TOX: variants seen among roughly 807,000 people sequenced by gnomAD.
TOX encodes the protein thymocyte selection associated high mobility group box.
In TOX, 11 loss-of-function variants were observed where a neutral mutation model predicts 53.7. That is an observed-to-expected ratio of 0.20 (90% CI 0.13 to 0.34). The LOEUF (loss-of-function observed/expected upper bound fraction) is 0.34, where lower values mean the gene tolerates loss of function less well. Among genes scored for constraint, TOX ranks in the 10% least tolerant of loss-of-function variants. The pLI is 1.00. For missense variants in TOX, 570 were observed against 664.6 expected, an observed-to-expected ratio of 0.86 and a Z score of 1.56; for synonymous variants, 225 against 245.3, an observed-to-expected ratio of 0.92 and a Z score of 0.77.
At chr8:58,863,984 T>C (rs544235869) in intron 3 of TOX, among the ~76,000 whole-genome samples, 4 of 152,188 alleles carry the variant, frequency 2.6e-5, no homozygotes, top group South Asian at 4.1e-4. Context: ...TTAAGAATTT[T>C]TTTTTTAACA....
intron 3 of TOX, among the ~76,000 whole-genome samples, chr8:58,925,039 C>T (rs890233113): frequency 2.6e-5 from 4 of 152,214 alleles, no homozygotes; most frequent in African/African-American, 9.6e-5. Context: ...TGGAGATGCA[C>T]CTCGTGCACA....
intron 2 of TOX, among the ~76,000 whole-genome samples, chr8:58,950,922 T>G (rs1474305472): frequency 6.6e-6 from 1 of 152,186 alleles, no homozygotes; most frequent in Non-Finnish European, 1.5e-5. Context: ...AAATATCCAC[T>G]GTGTGATTGT....
intron 1 of TOX, among the ~76,000 whole-genome samples, chr8:59,049,166 T>C (rs184969652): frequency 1.5e-3 from 223 of 151,886 alleles, no homozygotes; most frequent in African/African-American, 5.2e-3. Flanking sequence ...ATCTGAACTA[T>C]ATTTAAATCC....
At chr8:58,814,558 T>C (rs1810141207) in intron 7 of TOX, 1 of 152,230 alleles carries the variant, frequency 6.6e-6, no homozygotes, top group Non-Finnish European at 1.5e-5. Flanking sequence ...AAGCTGCTTT[T>C]ATTTTTTAAA....
intron 1 of TOX, among the ~76,000 whole-genome samples, chr8:58,969,097 G>A (rs189634932): frequency 7.6e-4 from 116 of 152,266 alleles, no homozygotes; most frequent in African/African-American, 2.3e-3. Flanking sequence ...ACAATTATGT[G>A]ACAGAAATAG....
chr8:58,848,847 G>A (rs1810762793), intron 4 of TOX, among the ~76,000 whole-genome samples: 1 of 152,088 alleles, frequency 6.6e-6, no homozygotes, highest in Non-Finnish European at 1.5e-5. Flanking sequence ...AATTAGATGA[G>A]CTGGAATCAA....
intron 2 of TOX, among the ~76,000 whole-genome samples, chr8:58,955,030 G>A (rs1812687399): frequency 6.6e-6 from 1 of 152,196 alleles, no homozygotes; most frequent in Non-Finnish European, 1.5e-5. Context: ...TCACATGAAA[G>A]CTGTCCTGGA....
At chr8:58,939,796 A>G (rs1410625627) in intron 2 of TOX, among the ~76,000 whole-genome samples, 1 of 152,236 alleles carries the variant, frequency 6.6e-6, no homozygotes, top group Non-Finnish European at 1.5e-5. Flanking sequence ...GCTGAACTCA[A>G]ACAGATTTCA....
chr8:59,070,597 G>A (rs1359968415), intron 1 of TOX, among the ~76,000 whole-genome samples: 4 of 151,298 alleles, frequency 2.6e-5, no homozygotes, highest in African/African-American at 7.3e-5. Flanking sequence ...TGGAAAGCAG[G>A]TAAGAGCACA....
At chr8:58,899,431 A>C (rs889968745) in intron 3 of TOX, among the ~76,000 whole-genome samples, 1 of 152,188 alleles carries the variant, frequency 6.6e-6, no homozygotes, top group African/African-American at 2.4e-5. Context: ...TGCTCAAGCA[A>C]AACTATATTG....
chr8:58,858,069 T>G (rs1432415484), intron 3 of TOX, among the ~76,000 whole-genome samples: 1 of 152,140 alleles, frequency 6.6e-6, no homozygotes, highest in African/African-American at 2.4e-5. Flanking sequence ...TGTGACTGGC[T>G]CCTTGGATTT....
intron 3 of TOX, among the ~76,000 whole-genome samples, chr8:58,927,211 T>A (rs976678051): frequency 6.6e-6 from 1 of 152,214 alleles, no homozygotes; most frequent in African/African-American, 2.4e-5. Context: ...AATGTAAAAA[T>A]AATATGAGTT....
chr8:59,115,957 T>C (rs1805092494), intron 1 of TOX, among the ~76,000 whole-genome samples: 1 of 152,106 alleles, frequency 6.6e-6, no homozygotes, highest in Admixed American at 6.6e-5. Context: ...AAGTAGCATT[T>C]TGGCAATCTA....
chr8:59,060,527 T>TGAGGCAGGAGAATTGCTTG (rs1803964381), intron 1 of TOX, among the ~76,000 whole-genome samples: 1 of 152,178 alleles, frequency 6.6e-6, no homozygotes, highest in East Asian at 1.9e-4. Flanking sequence ...CTCAGGAGGC[T>TGAGGCAGGAGAATTGCTTG]GAGGCAGGAG....
intron 1 of TOX, among the ~76,000 whole-genome samples, chr8:59,002,061 G>A (rs1813698630): frequency 7.2e-6 from 1 of 139,578 alleles, no homozygotes; most frequent in East Asian, 2.2e-4. Context: ...TGCAACCTCC[G>A]CCTCCCAAAT....
intron 1 of TOX, among the ~76,000 whole-genome samples, chr8:59,101,020 C>G (rs1357646028): frequency 2.0e-5 from 3 of 152,144 alleles, no homozygotes; most frequent in Non-Finnish European, 4.4e-5. Context: ...GTTGCTGTCA[C>G]AGCAAGACTT....
chr8:59,111,437 C>A (rs1805015745), intron 1 of TOX, among the ~76,000 whole-genome samples: 1 of 152,082 alleles, frequency 6.6e-6, no homozygotes, highest in South Asian at 2.1e-4. Context: ...GATGTTTTTC[C>A]TTTGTTGCTG....
At chr8:58,982,223 G>A (rs1462446080) in intron 1 of TOX, among the ~76,000 whole-genome samples, 1 of 152,032 alleles carries the variant, frequency 6.6e-6, no homozygotes. Flanking sequence ...GGATCTCTCA[G>A]CCTTTTATTT....
Position 58,886,223 on chromosome 8 carries a change from C to A in TOX, c.412-34418G>T, listed in dbSNP as rs535991522. 1.4e-4 allele frequency among the ~76,000 whole-genome samples: 22 copies of A among 152,214 alleles called. 1 individual carries two copies. Among genetic ancestry groups the A allele is most frequent in the Middle Eastern group, 3.4e-3 (1 of 294 alleles). On this transcript the variant is annotated intron_variant, in intron 3 of 8. Coordinates refer to ENST00000361421, the MANE Select transcript of TOX (RefSeq NM_014729.3). ...CTGAGAAGAATGCTGGAAGCCCCAG[C>A]CTACCACCCTCATACATGCTAAATT...
Sources: gnomAD v4.1 joint callset for allele counts (sites outside exome capture counted in the v4.1 genomes callset) on GRCh38, gnomAD v4.1.1 for gene constraint, MANE v1.5 for transcripts, NCBI Gene and HGNC (gene_info 2026-07-23, HGNC 2026-07-21) for gene names.